USH2A: variants seen among roughly 807,000 people sequenced by gnomAD.
USH2A encodes Usher syndrome 2A (autosomal recessive, mild).
Under a neutral mutation model 538.9 loss-of-function variants are expected in USH2A, and 443 were observed. That is an observed-to-expected ratio of 0.82 (90% CI 0.76 to 0.89). The LOEUF is 0.89. USH2A is among the 40% of genes least tolerant of loss of function. USH2A has a pLI of 0.00. For missense variants in USH2A, 6,633 were observed against 6,324.8 expected, an observed-to-expected ratio of 1.05 and a Z score of -1.65; for synonymous variants, 2,413 against 2,273.5, an observed-to-expected ratio of 1.06 and a Z score of -1.75.
In USH2A at chr1:215,728,216, A is replaced by T. The variant is rs2102713562; in HGVS notation, c.11880T>A (p.Thr3960=). The T allele has an allele frequency of 3.1e-6, 5 of 1,614,088 alleles. No homozygotes were observed. The South Asian group carries it at 4.4e-5, about 14-fold the overall frequency. Residue 3960 remains threonine, a synonymous_variant, in exon 61 of 72, where the codon ACT becomes ACA. Transcript: ENST00000307340. ...SVESLWSLTQ[T]LEAPPQDFPA... Reference sequence around the variant, plus strand: ...GAAAATCTTGAGGTGGAGCTTCCAGAGTTTGTGTTAATGACCACAGACTCT... The same window carrying T: ...GAAAATCTTGAGGTGGAGCTTCCAGTGTTTGTGTTAATGACCACAGACTCT...
At chr1:215,887,198 C>T (rs569126277) in intron 41 of USH2A, among the ~76,000 whole-genome samples, 5 of 152,246 alleles carry the variant, frequency 3.3e-5, no homozygotes, top group South Asian at 4.2e-4. Context: ...CAATCAGTAA[C>T]GCCTAGTTAT....
intron 30 of USH2A, among the ~76,000 whole-genome samples, chr1:216,057,342 A>AT (rs1345500594): frequency 3.3e-5 from 5 of 152,128 alleles, no homozygotes; most frequent in Non-Finnish European, 5.9e-5. Flanking sequence ...CGTCCTGTGA[A>AT]TTTTTTCAGA....
intron 4 of USH2A, among the ~76,000 whole-genome samples, chr1:216,338,881 T>C (rs961223485): frequency 6.6e-6 from 1 of 151,680 alleles, no homozygotes; most frequent in African/African-American, 2.4e-5. Flanking sequence ...ACAAAACATG[T>C]TGATAACACA....
chr1:215,994,792 C>T (rs1558200541), intron 34 of USH2A, among the ~76,000 whole-genome samples: 1 of 151,956 alleles, frequency 6.6e-6, no homozygotes, highest in African/African-American at 2.4e-5. Flanking sequence ...AAATAATTGC[C>T]CAACGATTAA....
Position 215,634,487 on chromosome 1 carries a change from T to C in USH2A, c.15269A>G (p.Asn5090Ser), listed in dbSNP as rs1459847254. Residue 5090 changes from asparagine to serine, a missense_variant, in exon 70 of 72, where the codon AAT becomes AGT. Coordinates refer to ENST00000307340, the MANE Select transcript of USH2A (RefSeq NM_206933.4). The stretch of plus-strand genomic sequence containing the variant: ...ATGGTTTTCCCCCGGTGGGTAAACA[T>C]TCAATGGAGACATCCTCTTCTGAAG... ...VPLQKRMSPL[N>S]VYPPGENHMG... 1 of 1,614,222 alleles carries C rather than the reference T, an allele frequency of 6.2e-7. No individual in the cohort carries two copies. Among genetic ancestry groups the C allele is most frequent in the Admixed American group, 1.7e-5 (1 of 60,024 alleles).
At chr1:216,088,235 C>T (rs573383084) in intron 23 of USH2A, among the ~76,000 whole-genome samples, 7 of 152,154 alleles carry the variant, frequency 4.6e-5, no homozygotes, top group South Asian at 4.2e-4. Context: ...ATCAGAGAGA[C>T]CTTTCTTAAC....
chr1:216,407,085 C>T (rs2039408785), intron 3 of USH2A, among the ~76,000 whole-genome samples: 2 of 151,942 alleles, frequency 1.3e-5, no homozygotes, highest in African/African-American at 4.8e-5. Context: ...TTCCTCTCCT[C>T]CTTCCTTCTT....
chr1:215,784,889 G>T (rs572320544), intron 52 of USH2A, among the ~76,000 whole-genome samples: 7 of 152,096 alleles, frequency 4.6e-5, no homozygotes, highest in African/African-American at 9.7e-5. Flanking sequence ...TTTATTAAAA[G>T]CCCTTCAAAA....
At chr1:215,929,462 A>C (rs1666311641) in intron 38 of USH2A, among the ~76,000 whole-genome samples, 1 of 152,006 alleles carries the variant, frequency 6.6e-6, no homozygotes, top group Admixed American at 6.6e-5. Context: ...TATGTATGTC[A>C]ACATGTTAAG....
Position 215,680,448 on chromosome 1 carries a change from C to G in USH2A, c.12067-72G>C. On this transcript the variant is annotated intron_variant, in intron 61 of 71. Transcript: ENST00000307340. ...CTGACAATATTGCTGGAAAGTCATTCTCTGAACCTCATGGCCAAAGCTTGT... is the reference window on the plus strand; with the variant it reads ...CTGACAATATTGCTGGAAAGTCATTGTCTGAACCTCATGGCCAAAGCTTGT... 2.0e-6 allele frequency: 3 copies of G among 1,482,282 alleles called. No homozygotes were observed. The African/African-American group carries it at 4.2e-5, about 21-fold the overall frequency. The allele number at this position is 1,482,282 out of a possible 1,614,324, so 91.8% of individuals were successfully genotyped here.
intron 37 of USH2A, among the ~76,000 whole-genome samples, chr1:215,951,360 G>A (rs1238794040): frequency 1.3e-4 from 20 of 152,174 alleles, no homozygotes; most frequent in African/African-American, 2.2e-4. Context: ...GTAGTTGAGC[G>A]GTTTTGAGTG....
At chr1:216,023,459 C>CAAAAAACAAAAA (rs1668886589) in intron 32 of USH2A, among the ~76,000 whole-genome samples, 1 of 46,956 alleles carries the variant, frequency 2.1e-5, no homozygotes, top group African/African-American at 9.1e-5. Context: ...TCAAAGCAGA[C>CAAAAAACAAAAA]AAAAAAAAAA....
chr1:215,700,625 T>C (rs886545620), intron 61 of USH2A, among the ~76,000 whole-genome samples: 1 of 152,180 alleles, frequency 6.6e-6, no homozygotes, highest in African/African-American at 2.4e-5. Flanking sequence ...CTGATGGTAG[T>C]TTGTATTTCT....
intron 11 of USH2A, among the ~76,000 whole-genome samples, chr1:216,282,939 G>GT (rs2036810051): frequency 6.6e-6 from 1 of 152,022 alleles, no homozygotes; most frequent in Non-Finnish European, 1.5e-5. Context: ...TTTACTAAAT[G>GT]TTTTTCTAAA....
chr1:215,949,210 GT>G (rs766555852), intron 37 of USH2A, among the ~76,000 whole-genome samples: 18 of 152,040 alleles, frequency 1.2e-4, no homozygotes, highest in Non-Finnish European at 2.5e-4. Flanking sequence ...CATCACAAAA[GT>G]AAAAATACCT....
At chr1:215,827,197 C>G (rs1461553988) in intron 47 of USH2A, among the ~76,000 whole-genome samples, 1 of 152,186 alleles carries the variant, frequency 6.6e-6, no homozygotes, top group Middle Eastern at 3.4e-3. Context: ...GGTAGGGAGT[C>G]TTTTTCCTGA....
intron 3 of USH2A, among the ~76,000 whole-genome samples, chr1:216,392,059 G>A (rs2039119169): frequency 6.6e-6 from 1 of 152,044 alleles, no homozygotes; most frequent in Non-Finnish European, 1.5e-5. Context: ...GACCTAAATG[G>A]GTAGATTGAT....
chr1:216,094,214 G>T (rs1271131851), intron 22 of USH2A, among the ~76,000 whole-genome samples: 2 of 151,964 alleles, frequency 1.3e-5, no homozygotes, highest in Non-Finnish European at 2.9e-5. Flanking sequence ...TTTTAACTTA[G>T]CATTTGCTGT....
At position 215,912,677 on chromosome 1, in the gene USH2A, CA is replaced by C. The variant is rs553285990; in HGVS notation, c.7301-11773del. Reference sequence around the variant, plus strand: ...TTTTAAAAAACTTTTATTTTAGGTTCAGGGGTACATGTGCAGGTTTGTTATG... The same window carrying C: ...TTTTAAAAAACTTTTATTTTAGGTTCGGGGTACATGTGCAGGTTTGTTATG... On this transcript the variant is annotated intron_variant, in intron 38 of 71. Coordinates refer to ENST00000307340, the MANE Select transcript of USH2A (RefSeq NM_206933.4). 1.1e-4 allele frequency among the ~76,000 whole-genome samples: 17 copies of C among 151,974 alleles called. No homozygotes were observed. The South Asian group carries it at 3.3e-3, about 30-fold the overall frequency.
Sources: allele counts gnomAD v4.1 joint callset (sites outside exome capture counted in the v4.1 genomes callset), GRCh38; gene constraint gnomAD v4.1.1; transcripts MANE v1.5; gene names NCBI Gene and HGNC (gene_info 2026-07-23, HGNC 2026-07-21).